Variants in INO80C observed in about 807,000 individuals in gnomAD.
The protein encoded by INO80C is INO80 complex subunit C.
A neutral mutation model predicts 17.7 loss-of-function variants in INO80C; 17 were observed. That is an observed-to-expected ratio of 0.96 (90% confidence interval 0.66 to 1.44). The LOEUF (loss-of-function observed/expected upper bound fraction) is 1.44. Ranked by LOEUF, INO80C falls within the 40% of genes most tolerant of loss-of-function variation. The pLI is 0.00. For missense variants in INO80C, 244 were observed against 245.0 expected (o/e 1.00, Z 0.03); for synonymous variants, 96 against 95.8 (o/e 1.00, Z -0.01).
At chr18:35,494,647 T>C (rs965890500) in intron 1 of INO80C, among the ~76,000 whole-genome samples, 3 of 152,212 alleles carry the variant, frequency 2.0e-5, no homozygotes, top group African/African-American at 7.2e-5. Context: ...TGAATTCACC[T>C]GCATGCAAAT....
chr18:35,484,153 A>C (rs2144063549), intron 1 of INO80C, among the ~76,000 whole-genome samples: 1 of 152,322 alleles, frequency 6.6e-6, no homozygotes, highest in East Asian at 1.9e-4. Context: ...TCACAGGGGC[A>C]CATGTTAATA....
intron 1 of INO80C, among the ~76,000 whole-genome samples, chr18:35,493,353 C>T (rs554421667): frequency 5.9e-5 from 9 of 152,296 alleles, no homozygotes; most frequent in Admixed American, 5.9e-4. Flanking sequence ...GAAGACTGCA[C>T]TTTCATAACA....
At chr18:35,479,823 C>T (rs1364428720) in intron 2 of INO80C, among the ~76,000 whole-genome samples, 1 of 151,832 alleles carries the variant, frequency 6.6e-6, no homozygotes, top group African/African-American at 2.4e-5. Context: ...GCCATGTAAA[C>T]TGGGGATCCT....
intron 1 of INO80C, among the ~76,000 whole-genome samples, chr18:35,490,764 T>TGTTGA (rs1282620195): frequency 2.0e-5 from 3 of 151,370 alleles, no homozygotes; most frequent in African/African-American, 7.3e-5. Context: ...ATTATTTTGT[T>TGTTGA]GTTGTTGTTG....
chr18:35,493,701 C>A (rs898598478), intron 1 of INO80C, among the ~76,000 whole-genome samples: 2 of 152,168 alleles, frequency 1.3e-5, no homozygotes, highest in Non-Finnish European at 2.9e-5. Context: ...TTAGAAACAG[C>A]AAGCATATTT....
chr18:35,471,759 T>C (rs9951862), intron 4 of INO80C, among the ~76,000 whole-genome samples: 54,013 of 137,072 alleles, frequency 0.39, 10,520 homozygotes, highest in East Asian at 0.62. Context: ...CCCCCCTCCC[T>C]GCACCCCACA....
At chr18:35,479,523 T>C (rs991923715) in intron 2 of INO80C, 112 bp from the exon 3 acceptor site, 109 of 661,094 alleles carry the variant, frequency 1.6e-4, no homozygotes, top group Middle Eastern at 8.5e-4. Context: ...CTGTCAACAA[T>C]CATTAAGACC....
chr18:35,488,716 T>A (rs1019234445), intron 1 of INO80C, among the ~76,000 whole-genome samples: 2 of 152,252 alleles, frequency 1.3e-5, no homozygotes, highest in Admixed American at 1.3e-4. Context: ...TGCAAATTTC[T>A]GCAGCCAGCT....
At chr18:35,478,374 A>T in intron 3 of INO80C, 25 bp from the exon 4 acceptor site, 1 of 1,438,152 alleles carries the variant, frequency 7.0e-7, no homozygotes, top group Non-Finnish European at 9.5e-7. Flanking sequence ...AAAAAAAGAT[A>T]ACTAAACTGA....
intron 4 of INO80C, among the ~76,000 whole-genome samples, chr18:35,474,478 G>C (rs572610468): frequency 6.6e-6 from 1 of 151,354 alleles, no homozygotes; most frequent in Non-Finnish European, 1.5e-5. Context: ...ACTTGAGGCC[G>C]GGAGTTCAGG....
chr18:35,478,606 C>T (rs1598740559), intron 3 of INO80C, among the ~76,000 whole-genome samples: 3 of 152,116 alleles, frequency 2.0e-5, no homozygotes, highest in South Asian at 2.1e-4. Flanking sequence ...ACAGAACCAC[C>T]GGAAAGCTCA....
Position 35,497,700 on chromosome 18 carries a change from TGGGAGCGCGACTGCG to T in INO80C, c.156+4_156+18del. On this transcript the variant is annotated splice_donor_5th_base_variant and intron_variant, in intron 1 of 4. Coordinates refer to ENST00000334598, the MANE Select transcript of INO80C (RefSeq NM_194281.4). ...CGTTTCGCGACGCGCACGCGCAGCC[TGGGAGCGCGACTGCG>T]TACCTGCGCAAAGCTGGAAGCGGAC... 3 of 1,607,886 alleles carry T rather than the reference TGGGAGCGCGACTGCG, an allele frequency of 1.9e-6. No homozygotes were observed. Among genetic ancestry groups the T allele is most frequent in the Non-Finnish European group, 2.5e-6 (3 of 1,177,492 alleles).
chr18:35,469,052 C>T (rs760535642), intron 4 of INO80C, among the ~76,000 whole-genome samples: 1 of 152,176 alleles, frequency 6.6e-6, no homozygotes, highest in African/African-American at 2.4e-5. Flanking sequence ...CCCTCCCTGC[C>T]TTCAGACTCC....
chr18:35,476,783 T>C (rs749031497), intron 4 of INO80C, among the ~76,000 whole-genome samples: 6 of 152,172 alleles, frequency 3.9e-5, no homozygotes, highest in Admixed American at 6.5e-5. Context: ...GGGAGATCAC[T>C]TGAGCCAAGG....
chr18:35,481,088 C>T (rs535871985), intron 1 of INO80C, among the ~76,000 whole-genome samples: 1 of 152,142 alleles, frequency 6.6e-6, no homozygotes, highest in Non-Finnish European at 1.5e-5. Flanking sequence ...CTTTAAGGGT[C>T]TAGTTGGCCA....
At chr18:35,478,459 T>C (rs897978889) in intron 3 of INO80C, 110 bp from the exon 4 acceptor site, 2 of 854,024 alleles carry the variant, frequency 2.3e-6, no homozygotes, top group African/African-American at 1.7e-5. Flanking sequence ...ATTTCCTTTG[T>C]GATTAAGTAG....
chr18:35,478,564 C>A (rs1384185099), intron 3 of INO80C, among the ~76,000 whole-genome samples: 1 of 152,142 alleles, frequency 6.6e-6, no homozygotes, highest in African/African-American at 2.4e-5. Context: ...CCAGATCTAG[C>A]CCTGCCCTGT....
intron 1 of INO80C, among the ~76,000 whole-genome samples, chr18:35,495,502 AG>A (rs2045971972): frequency 1.3e-5 from 2 of 152,174 alleles, no homozygotes; most frequent in African/African-American, 2.4e-5. Flanking sequence ...GCTTCTCCTG[AG>A]GCTGCTGCTT....
At chr18:35,480,278 A>G (rs964640703) in intron 2 of INO80C, among the ~76,000 whole-genome samples, 175 bp downstream of exon 2, 11 of 152,220 alleles carry the variant, frequency 7.2e-5, no homozygotes, top group African/African-American at 2.7e-4. Flanking sequence ...TGGCACATTA[A>G]AAGATCAACA....
Sources: allele counts gnomAD v4.1 joint callset (sites outside exome capture counted in the v4.1 genomes callset), GRCh38; gene constraint gnomAD v4.1.1; transcripts MANE v1.5; gene names NCBI Gene and HGNC (gene_info 2026-07-23, HGNC 2026-07-21).